Variants in SPATA1 observed in about 807,000 individuals in gnomAD.
The protein encoded by SPATA1 is spermatogenesis-associated protein 1.
A neutral mutation model predicts 59.6 loss-of-function variants in SPATA1; 57 were observed. That is an observed-to-expected ratio of 0.96 (90% CI 0.77 to 1.19). SPATA1 has a LOEUF of 1.19. Among genes scored for constraint, SPATA1 ranks in the 50% most tolerant of loss-of-function variants. The pLI, the probability that SPATA1 is intolerant of heterozygous loss-of-function variation, is 0.00. For synonymous variants in SPATA1, 147 were observed against 163.9 expected, an observed-to-expected ratio of 0.90 and a Z score of 0.79; for missense variants, 448 against 480.7, an observed-to-expected ratio of 0.93 and a Z score of 0.64.
intron 8 of SPATA1, among the ~76,000 whole-genome samples, chr1:84,538,603 T>A (rs1413131790): frequency 6.6e-6 from 1 of 152,190 alleles, no homozygotes; most frequent in African/African-American, 2.4e-5. Flanking sequence ...CTATTGAGAA[T>A]GAAACAAAGC....
intron 12 of SPATA1, 131 bp downstream of exon 12, chr1:84,550,661 A>T (rs1009299472): frequency 1.6e-6 from 2 of 1,252,284 alleles, no homozygotes; most frequent in Middle Eastern, 3.2e-4. Context: ...TTACCTTAAC[A>T]GTAAAGAGCA....
chr1:84,514,744 G>A (rs1682721566), intron 1 of SPATA1, among the ~76,000 whole-genome samples: 1 of 152,146 alleles, frequency 6.6e-6, no homozygotes, highest in African/African-American at 2.4e-5. Context: ...GCCGAGACGG[G>A]CGAATCACTT....
At chr1:84,511,810 T>A (rs1165282527) in intron 1 of SPATA1, among the ~76,000 whole-genome samples, 1 of 151,596 alleles carries the variant, frequency 6.6e-6, no homozygotes, top group Non-Finnish European at 1.5e-5. Flanking sequence ...GCCTCCCCAG[T>A]AGCTAGGATT....
chr1:84,541,773 T>C (rs1397258792), intron 8 of SPATA1, among the ~76,000 whole-genome samples: 3 of 152,160 alleles, frequency 2.0e-5, no homozygotes, highest in Non-Finnish European at 4.4e-5. Flanking sequence ...GAGTGCTAGA[T>C]TATTTTATAG....
downstream of SPATA1, among the ~76,000 whole-genome samples, chr1:84,557,748 C>A (rs1684488388): frequency 6.6e-6 from 1 of 150,538 alleles, no homozygotes; most frequent in Non-Finnish European, 1.5e-5. Context: ...GTCCCAGCTA[C>A]TTGGGAGGCT....
chr1:84,529,082 CATTA>C (rs1284491974), intron 6 of SPATA1, among the ~76,000 whole-genome samples: 1 of 151,896 alleles, frequency 6.6e-6, no homozygotes, highest in African/African-American at 2.4e-5. Context: ...CTAGTACTGA[CATTA>C]ATATTTTTTA....
chr1:84,531,935 T>C (rs1277197693), intron 6 of SPATA1, among the ~76,000 whole-genome samples: 1 of 152,160 alleles, frequency 6.6e-6, no homozygotes, highest in Non-Finnish European at 1.5e-5. Context: ...AATTGATTTC[T>C]CCAAGGGAAA....
chr1:84,507,036 C>T (rs1033516722), intron 1 of SPATA1: 1 of 152,068 alleles, frequency 6.6e-6, no homozygotes, highest in Non-Finnish European at 1.5e-5. Context: ...TAATTTATTA[C>T]CTCCTGCTTG....
At chr1:84,549,197 T>G (rs898312181) in intron 11 of SPATA1, among the ~76,000 whole-genome samples, 4 of 152,188 alleles carry the variant, frequency 2.6e-5, no homozygotes, top group African/African-American at 9.6e-5. Flanking sequence ...TTTTCAGTGT[T>G]AATTTCATTG....
At chr1:84,526,867 CAAAAAAA>C (rs761804155) in intron 6 of SPATA1, among the ~76,000 whole-genome samples, 2 of 60,586 alleles carry the variant, frequency 3.3e-5, no homozygotes, top group Non-Finnish European at 7.6e-5. Flanking sequence ...GACTTTGTCT[CAAAAAAA>C]AAAAAAAAAA....
intron 6 of SPATA1, among the ~76,000 whole-genome samples, chr1:84,527,874 G>T (rs1222314477): frequency 6.6e-6 from 1 of 152,064 alleles, no homozygotes; most frequent in African/African-American, 2.4e-5. Context: ...GGGACTACAG[G>T]TGCACACCAC....
At chr1:84,511,675 C>CTTTCTTTTTTTTTTTTTTTTTTTT (rs1682561933) in intron 1 of SPATA1, among the ~76,000 whole-genome samples, 1 of 71,030 alleles carries the variant, frequency 1.4e-5, no homozygotes, top group Non-Finnish European at 2.8e-5. Context: ...TTTTTTCTTT[C>CTTTCTTTTTTTTTTTTTTTTTTTT]TTTCTTTTTT....
intron 1 of SPATA1, chr1:84,507,296 CAACAAA>C (rs1682306102): frequency 6.6e-6 from 1 of 152,086 alleles, no homozygotes; most frequent in Non-Finnish European, 1.5e-5. Context: ...TTGCACTGGT[CAACAAA>C]ATCTAATTTA....
chr1:84,525,944 G>T (rs1414900164), exon 6 of SPATA1: 6 of 1,613,614 alleles, frequency 3.7e-6, no homozygotes, highest in Non-Finnish European at 5.1e-6. Context: ...GACTAATAAT[G>T]GTGTTAATGA....
intron 1 of SPATA1, among the ~76,000 whole-genome samples, chr1:84,513,035 CCA>C (rs1415075144): frequency 4.2e-5 from 6 of 142,170 alleles, no homozygotes; most frequent in African/African-American, 1.8e-4. Flanking sequence ...TGTGAAAATC[CCA>C]CATGTTATAT....
At chr1:84,547,062 C>G (rs1684111350) in intron 10 of SPATA1, among the ~76,000 whole-genome samples, 1 of 152,178 alleles carries the variant, frequency 6.6e-6, no homozygotes, top group Non-Finnish European at 1.5e-5. Context: ...TGTTTCAGCA[C>G]TAGAACTGAT....
intron 8 of SPATA1, among the ~76,000 whole-genome samples, chr1:84,535,646 A>C (rs1683647418): frequency 6.6e-6 from 1 of 151,940 alleles, no homozygotes; most frequent in Admixed American, 6.6e-5. Flanking sequence ...GTTTATAGAA[A>C]TGTAATTGAT....
At chr1:84,530,209 A>T (rs953022565) in intron 6 of SPATA1, among the ~76,000 whole-genome samples, 8 of 152,092 alleles carry the variant, frequency 5.3e-5, no homozygotes, top group African/African-American at 1.9e-4. Context: ...TAGCATAGAG[A>T]ACTCTTCAAA....
At chr1:84,516,272 A>G (rs1379264250) in exon 2 of SPATA1, 2 of 1,194,864 alleles carry the variant, frequency 1.7e-6, no homozygotes, top group East Asian at 2.9e-5. Context: ...AACTATTATA[A>G]TTTTTATTTA....
Sources: allele counts gnomAD v4.1 joint callset (sites outside exome capture counted in the v4.1 genomes callset), GRCh38; gene constraint gnomAD v4.1.1; transcripts MANE v1.5; gene names NCBI Gene and HGNC (gene_info 2026-07-23, HGNC 2026-07-21).